Variants in DIDO1 observed in about 807,000 individuals in gnomAD.
The protein encoded by DIDO1 is death inducer-obliterator 1.
In DIDO1, 16 loss-of-function variants were observed where a neutral mutation model predicts 99.4. The ratio of observed to expected loss-of-function variants is 0.16; its 90% CI spans 0.11 to 0.24. DIDO1 has a LOEUF of 0.24. Ranked by LOEUF, DIDO1 falls within the 10% of genes least tolerant of loss-of-function variation. DIDO1 has a pLI of 1.00. For synonymous variants in DIDO1, 1,366 were observed against 1,239.1 expected (o/e 1.10, Z -2.15); for missense variants, 2,996 against 3,014.0 (o/e 0.99, Z 0.14).
In DIDO1 at chr20:62,879,587, CCA is replaced by C. The variant is rs2064160844; in HGVS notation, c.6367_6368del (p.Trp2123GlufsTer133). The stretch of plus-strand genomic sequence containing the variant: ...GCCGGTCCCAGTCCCGCTCTCGGCT[CCA>C]GTTTCGGCCGCGCTCGCGCTCTCTC... ...RRRERERGRNWSRERDWDRPR... is the reference protein window; with the variant it reads ...RRRERERGRNXSRERDWDRPR... On this transcript the variant is annotated frameshift_variant, in exon 16 of 16. Transcript: ENST00000395343. LOFTEE classifies it low-confidence loss of function (END_TRUNC). The surrounding 1 kb of genome is among the most constrained non-coding windows in gnomAD (Gnocchi z 6.3). The C allele has an allele frequency of 1.2e-6, 2 of 1,602,250 alleles. No individual in the cohort carries two copies. The highest frequency in any genetic ancestry group is 1.7e-5 in the Admixed American group (1 of 59,930).
chr20:62,893,636 G>A (rs780284559), intron 12 of DIDO1, 30 bp downstream of exon 12: 4 of 1,534,748 alleles, frequency 2.6e-6, no homozygotes, highest in Non-Finnish European at 3.5e-6. Context: ...AAAAAGTTTG[G>A]CTTGTTCAGA....
At chr20:62,899,214 T>C (rs2147433419) in intron 6 of DIDO1, among the ~76,000 whole-genome samples, 1 of 152,334 alleles carries the variant, frequency 6.6e-6, no homozygotes, top group Admixed American at 6.5e-5. Flanking sequence ...ATTCAGTGAC[T>C]GCACTAGAAA....
In DIDO1 at chr20:62,881,144, C is replaced by G. The variant is rs764477610; in HGVS notation, c.4812G>C (p.Ala1604=). ...CTTTTTCCTCCGGGACTGGCATGGG[C>G]GCCTGGCCCACGAGGCCACCCCTGG... is the stretch of plus-strand genomic sequence containing the variant. ...DASRGGLVGQ[A]PMPVPEEKEP... The change falls in exon 16 of 16, where the codon GCG becomes GCC. Residue 1604 remains alanine, a synonymous_variant. Transcript: ENST00000395343. The surrounding 1 kb of genome is among the most constrained non-coding windows in gnomAD (Gnocchi z 8.3). The G allele has an allele frequency of 2.5e-6, 4 of 1,608,008 alleles. 1 individual carries two copies. In the South Asian group the frequency reaches 4.4e-5, roughly 18 times the overall value.
intron 6 of DIDO1, among the ~76,000 whole-genome samples, chr20:62,903,533 G>A (rs568268745): frequency 7.9e-5 from 12 of 152,290 alleles, no homozygotes; most frequent in African/African-American, 2.9e-4. Flanking sequence ...GGCATACAGT[G>A]GTGGCAGGCT....
At chr20:62,910,087 A>G in intron 3 of DIDO1, 67 bp from the exon 4 acceptor site, 1 of 1,500,910 alleles carries the variant, frequency 6.7e-7, no homozygotes, top group Non-Finnish European at 9.0e-7. Context: ...ACACATTAAT[A>G]AGACAATTGG....
Position 62,894,492 on chromosome 20 carries a change from G to A in DIDO1, c.2493C>T (p.Asp831=), listed in dbSNP as rs760646599. 6.8e-6 allele frequency: 11 copies of A among 1,613,286 alleles called. No homozygotes were observed. The highest frequency in any genetic ancestry group is 3.3e-5 in the Admixed American group (2 of 59,990). ...VPEKSTAPLL[D]VFSSMLKDTT... is the part of the protein sequence containing the mutation. ...TGTCTTTCAACATGCTGCTGAAGAC[G>A]TCGAGAAGCGGCGCTGTGCTCTTCT... is the stretch of plus-strand genomic sequence containing the variant. Residue 831 remains aspartate, a synonymous_variant, in exon 11 of 16, where the codon GAC becomes GAT. Coordinates refer to ENST00000395343, the MANE Select transcript of DIDO1 (RefSeq NM_001193369.2). This position sits in a 1 kb window ranked among gnomAD's most constrained non-coding sequence, Gnocchi z 4.4.
chr20:62,901,817 G>GAA (rs11467476), intron 6 of DIDO1, among the ~76,000 whole-genome samples: 70 of 113,034 alleles, frequency 6.2e-4, no homozygotes, highest in Non-Finnish European at 9.4e-4. Flanking sequence ...TGTGTTAACA[G>GAA]AAAAAAAAAA....
chr20:62,896,747 T>C lies in DIDO1; in HGVS notation c.1838A>G (p.Gln613Arg), dbSNP rs1177013962. 8 of 1,613,360 alleles carry C rather than the reference T, an allele frequency of 5.0e-6. No homozygotes were observed. Among genetic ancestry groups the C allele is most frequent in the African/African-American group, 1.3e-5 (1 of 74,926 alleles). The change falls in exon 7 of 16, where the codon CAG (glutamine) becomes CGG (arginine). Residue 613 changes from glutamine (Q) to arginine (R), a missense_variant. Transcript: ENST00000395343. This position sits in a 1 kb window ranked among gnomAD's most constrained non-coding sequence, Gnocchi z 4.4. Reference sequence around the variant, plus strand: ...TGCCGCTGCAGGTGCCGGTCCGGCCTGCCTGGCAGCTGAAGCACCACTCGA... The same window carrying C: ...TGCCGCTGCAGGTGCCGGTCCGGCCCGCCTGGCAGCTGAAGCACCACTCGA... ...TPSSGASAARQAGPAPAAATA... is the reference protein window; with the variant it reads ...TPSSGASAARRAGPAPAAATA...
chr20:62,892,671 A>C (rs1260458204), intron 13 of DIDO1, 138 bp downstream of exon 13: 1 of 1,215,136 alleles, frequency 8.2e-7, no homozygotes, highest in African/African-American at 1.5e-5. Flanking sequence ...CTGCATCCAG[A>C]CAGACGGTTG....
intron 6 of DIDO1, among the ~76,000 whole-genome samples, chr20:62,897,594 C>T (rs975411726): frequency 5.9e-5 from 9 of 152,222 alleles, no homozygotes; most frequent in Non-Finnish European, 1.0e-4. Context: ...AAGCTGAGAA[C>T]GCAGCAATGC....
rs2064224900 is a variant in DIDO1 at position 62,882,419 on chromosome 20, A to T, written c.3542-5T>A. On this transcript the variant is annotated splice_polypyrimidine_tract_variant and splice_region_variant and intron_variant, in intron 15 of 15. Coordinates refer to ENST00000395343, the MANE Select transcript of DIDO1 (RefSeq NM_001193369.2). The stretch of plus-strand genomic sequence containing the variant: ...TCGGACGTGGTGACTCAAGACCTGA[A>T]AAACAAAATATTTGTGCAAATTTTA... 6.3e-7 allele frequency: 1 copy of T among 1,597,184 alleles called. No homozygotes were observed.
chr20:62,934,087 G>C (rs961004657), intron 1 of DIDO1, among the ~76,000 whole-genome samples: 1 of 152,172 alleles, frequency 6.6e-6, no homozygotes, highest in Non-Finnish European at 1.5e-5. Context: ...GGCAGTTGAT[G>C]AATCCAGCAG....
chr20:62,895,444 C>T (rs1165382360), intron 8 of DIDO1, among the ~76,000 whole-genome samples: 4 of 128,228 alleles, frequency 3.1e-5, no homozygotes, highest in African/African-American at 1.4e-4. Flanking sequence ...ACGGCCTGTG[C>T]TGCACTGGCT....
chr20:62,888,696 C>T (rs1340013092), intron 15 of DIDO1: 18 of 985,418 alleles, frequency 1.8e-5, no homozygotes, highest in Non-Finnish European at 2.0e-5. Context: ...TACACATTTA[C>T]ACCACAAAGC....
At chr20:62,934,500 C>A (rs1353653467) in intron 1 of DIDO1, among the ~76,000 whole-genome samples, 1 of 152,196 alleles carries the variant, frequency 6.6e-6, no homozygotes, top group Non-Finnish European at 1.5e-5. Flanking sequence ...CCTATAAATT[C>A]ATAGGCCAGA....
chr20:62,936,221 T>C (rs909126730), intron 1 of DIDO1, among the ~76,000 whole-genome samples: 5 of 151,924 alleles, frequency 3.3e-5, no homozygotes, highest in African/African-American at 1.2e-4. Flanking sequence ...GAGACCAGCC[T>C]GGGCAAGAAG....
intron 15 of DIDO1, chr20:62,890,419 G>C: frequency 1.0e-6 from 1 of 989,480 alleles, no homozygotes; most frequent in Non-Finnish European, 1.2e-6. Flanking sequence ...TCCAAGGAAC[G>C]TGCAAACACA....
chr20:62,911,742 T>G lies in DIDO1; in HGVS notation c.-2-128A>C, dbSNP rs2064947720. ...GAGCTCTACATAAAGCAAGTCCTTC[T>G]GACCAGTGTTTCCTAATGTGTGCTA... On this transcript the variant is annotated intron_variant, in intron 2 of 15. Coordinates refer to ENST00000395343, the MANE Select transcript of DIDO1 (RefSeq NM_001193369.2). This position sits in a 1 kb window ranked among gnomAD's most constrained non-coding sequence, Gnocchi z 7.0. 1.3e-6 allele frequency: 1 copy of G among 748,034 alleles called. No homozygotes were observed. The highest frequency in any genetic ancestry group is 2.1e-6 in the Non-Finnish European group (1 of 481,562). The allele number at this position is 748,034 out of a possible 1,614,324, so 46.3% of individuals were successfully genotyped here. A position where few individuals can be genotyped will look rare whatever the true frequency, so the allele number is the denominator to read the frequency against.
chr20:62,916,641 C>G (rs1347723431), intron 1 of DIDO1, among the ~76,000 whole-genome samples: 1 of 152,154 alleles, frequency 6.6e-6, no homozygotes, highest in Non-Finnish European at 1.5e-5. Context: ...AAATTTCTGG[C>G]ATAACCGAAG....
Sources: allele counts gnomAD v4.1 joint callset (sites outside exome capture counted in the v4.1 genomes callset), GRCh38; gene constraint gnomAD v4.1.1; non-coding constraint Gnocchi (gnomAD v3.1); transcripts MANE v1.5; gene names NCBI Gene and HGNC (gene_info 2026-07-23, HGNC 2026-07-21).